Variants in ANK2 observed in about 807,000 individuals in gnomAD.
ANK2 encodes ankyrin 2.
A neutral mutation model predicts 360.5 loss-of-function variants in ANK2; 83 were observed. The observed-to-expected ratio is 0.23, with a 90% CI of 0.19 to 0.28. The LOEUF (loss-of-function observed/expected upper bound fraction) is 0.28, where lower values mean the gene tolerates loss of function less well. Among genes scored for constraint, ANK2 ranks in the 10% least tolerant of loss-of-function variants. ANK2 has a pLI of 1.00. For synonymous variants in ANK2, 1,740 were observed against 1,759.5 expected (o/e 0.99, Z 0.28); for missense variants, 4,201 against 4,795.7 (o/e 0.88, Z 3.66).
chr4:112,772,545 CAT>C, the ANK2 span, among the ~76,000 whole-genome samples: 3 of 152,002 alleles, frequency 2.0e-5, no homozygotes, highest in Middle Eastern at 3.4e-3. Flanking sequence ...ACCTGGGACA[CAT>C]GTGAAAAAAA....
At chr4:113,000,685 G>A (rs184205873) in intron 2 of ANK2, among the ~76,000 whole-genome samples, 1 of 152,282 alleles carries the variant, frequency 6.6e-6, no homozygotes, top group Admixed American at 6.5e-5. Flanking sequence ...AGTAAACAAG[G>A]AAAACTAGGT....
intron 4 of ANK2, among the ~76,000 whole-genome samples, chr4:113,207,428 GAGAAA>G (rs879298505): frequency 9.9e-5 from 15 of 152,106 alleles, no homozygotes; most frequent in Non-Finnish European, 2.1e-4. Context: ...GACTTGTAGG[GAGAAA>G]AGTAAATGGT....
Position 113,270,451 on chromosome 4 carries a change from T to A in ANK2, c.1486-4001T>A, listed in dbSNP as rs116537706. On this transcript the variant is annotated intron_variant, in intron 14 of 45. Transcript: ENST00000357077. The stretch of plus-strand genomic sequence containing the variant: ...AATTAGTTAATTTTACACAAAGATT[T>A]CATCAATTCTACTTTTTTACTTCTC... 5.7e-3 allele frequency among the ~76,000 whole-genome samples: 869 copies of A among 152,330 alleles called. 5 individuals are homozygous for A. Among genetic ancestry groups the A allele is most frequent in the South Asian group, 8.9e-3 (43 of 4,828 alleles).
At chr4:113,020,278 C>T (rs2057709738) in intron 2 of ANK2, among the ~76,000 whole-genome samples, 1 of 152,138 alleles carries the variant, frequency 6.6e-6, no homozygotes, top group African/African-American at 2.4e-5. Context: ...GCTTAAACTC[C>T]TGGTCTCAAG....
chr4:113,356,806 C>T lies in ANK2; in HGVS notation c.8188C>T (p.Pro2730Ser), dbSNP rs749720688. The T allele has an allele frequency of 3.7e-6, 6 of 1,614,036 alleles. No individual in the cohort carries two copies. The South Asian group carries it at 6.6e-5, about 18-fold the overall frequency. The change falls in exon 38 of 46, where the codon CCA becomes TCA. Residue 2730 changes from proline (P) to serine (S), a missense_variant. Coordinates refer to ENST00000357077, the MANE Select transcript of ANK2 (RefSeq NM_001148.6). Reference protein sequence around the residue: ...FKMNEDTQEEPGKSEEEKDSE... With the variant: ...FKMNEDTQEESGKSEEEKDSE... ...GATGAATGAAGATACTCAGGAAGAG[C>T]CAGGCAAATCAGAAGAAGAAAAAGA...
At chr4:113,346,855 C>T (rs1353898861) in intron 35 of ANK2, among the ~76,000 whole-genome samples, 1 of 152,174 alleles carries the variant, frequency 6.6e-6, no homozygotes, top group Non-Finnish European at 1.5e-5. Flanking sequence ...TCCTCGAATA[C>T]TCTGATGAAA....
intron 1 of ANK2, among the ~76,000 whole-genome samples, chr4:112,873,702 ATT>A (rs373762462): frequency 1.2e-4 from 16 of 132,016 alleles, no homozygotes; most frequent in Non-Finnish European, 1.2e-4. Context: ...ACGCTTGGCT[ATT>A]TTTTTTTTTT....
chr4:112,769,848 C>T, the ANK2 span, among the ~76,000 whole-genome samples: 4 of 152,150 alleles, frequency 2.6e-5, no homozygotes, highest in African/African-American at 9.7e-5. Flanking sequence ...CCTGATTGAG[C>T]CGGGACATCA....
chr4:112,929,404 G>C (rs1464178287), intron 2 of ANK2, among the ~76,000 whole-genome samples: 6 of 152,146 alleles, frequency 3.9e-5, no homozygotes, highest in Admixed American at 3.9e-4. Context: ...CAATGAGAAA[G>C]GCAAATTGCC....
intron 1 of ANK2, among the ~76,000 whole-genome samples, chr4:113,112,162 T>C (rs1189117150): frequency 1.3e-5 from 2 of 152,256 alleles, no homozygotes; most frequent in Non-Finnish European, 1.5e-5. Context: ...GATACTATTA[T>C]AGTAAATTAA....
the ANK2 span, among the ~76,000 whole-genome samples, chr4:112,715,203 C>T: frequency 2.1e-5 from 3 of 139,970 alleles, no homozygotes; most frequent in African/African-American, 5.3e-5. Flanking sequence ...CCTTGCAGCG[C>T]GGTGATTGGG....
At chr4:112,824,265 G>A (rs566886727) in intron 1 of ANK2, among the ~76,000 whole-genome samples, 3 of 150,686 alleles carry the variant, frequency 2.0e-5, no homozygotes, top group South Asian at 2.1e-4. Flanking sequence ...CTGCAGTCTC[G>A]AACTCTTGGC....
In ANK2 at chr4:113,280,447, A is replaced by G. The variant is rs544080395; in HGVS notation, c.1881+1889A>G. Among the ~76,000 whole-genome samples, 3 of 152,208 alleles carry G rather than the reference A, an allele frequency of 2.0e-5. No homozygotes were observed. The South Asian group carries it at 6.2e-4, about 32-fold the overall frequency. On this transcript the variant is annotated intron_variant, in intron 17 of 45. Coordinates refer to ENST00000357077, the MANE Select transcript of ANK2 (RefSeq NM_001148.6). Reference sequence around the variant, plus strand: ...ATGGGTATTCTGGGAATGCCTCTCTAGTGTCTTTCACTTATCTGCCCCAGC... The same window carrying G: ...ATGGGTATTCTGGGAATGCCTCTCTGGTGTCTTTCACTTATCTGCCCCAGC...
chr4:113,063,420 G>T (rs549158390), intron 1 of ANK2, among the ~76,000 whole-genome samples: 8 of 152,128 alleles, frequency 5.3e-5, no homozygotes, highest in Middle Eastern at 3.4e-3. Flanking sequence ...TCTAGTCAAG[G>T]TTTGCATTTC....
At chr4:112,713,403 C>G in the ANK2 span, among the ~76,000 whole-genome samples, 1 of 152,148 alleles carries the variant, frequency 6.6e-6, no homozygotes, top group Non-Finnish European at 1.5e-5. Flanking sequence ...AACCCTGTCT[C>G]TACTAAAAAT....
chr4:112,959,911 A>T (rs909102033), intron 2 of ANK2, among the ~76,000 whole-genome samples: 3 of 152,144 alleles, frequency 2.0e-5, no homozygotes, highest in African/African-American at 7.2e-5. Flanking sequence ...CAATGACAAA[A>T]CGCTCCTGCA....
chr4:113,064,174 G>C (rs2074689002), intron 1 of ANK2, among the ~76,000 whole-genome samples: 1 of 152,072 alleles, frequency 6.6e-6, no homozygotes, highest in Non-Finnish European at 1.5e-5. Flanking sequence ...ATTGATAGTA[G>C]AGAAATTTTT....
chr4:113,194,037 G>C (rs2098712807), intron 2 of ANK2, among the ~76,000 whole-genome samples: 1 of 152,166 alleles, frequency 6.6e-6, no homozygotes, highest in Non-Finnish European at 1.5e-5. Flanking sequence ...TTGATTTTCA[G>C]TTGTTTAATA....
intron 23 of ANK2, among the ~76,000 whole-genome samples, chr4:113,309,967 G>T (rs568392234): frequency 6.6e-6 from 1 of 152,238 alleles, no homozygotes; most frequent in South Asian, 2.1e-4. Context: ...TGGTTGATTT[G>T]CATGTTCTAC....
Sources: gnomAD v4.1 joint callset for allele counts (sites outside exome capture counted in the v4.1 genomes callset) on GRCh38, gnomAD v4.1.1 for gene constraint, MANE v1.5 for transcripts, NCBI Gene and HGNC (gene_info 2026-07-23, HGNC 2026-07-21) for gene names.